Variants in PDE7A observed in about 807,000 individuals in gnomAD.
PDE7A encodes the protein phosphodiesterase 7A.
In PDE7A, 39 loss-of-function variants were observed where a neutral mutation model predicts 64.3. The observed-to-expected ratio is 0.61, with a 90% CI of 0.47 to 0.79. PDE7A has a LOEUF of 0.79. Ranked by LOEUF, PDE7A falls within the 30% of genes least tolerant of loss-of-function variation. The probability of loss-of-function intolerance (pLI) is 0.00; values close to 1 mark genes in which losing one functional copy is unlikely to be tolerated. For missense variants in PDE7A, 470 were observed against 582.8 expected (o/e 0.81, Z 1.99); for synonymous variants, 203 against 206.8 (o/e 0.98, Z 0.16).
At chr8:65,772,725 C>A (rs969024196) in intron 3 of PDE7A, among the ~76,000 whole-genome samples, 4 of 152,166 alleles carry the variant, frequency 2.6e-5, no homozygotes, top group Admixed American at 2.6e-4. Context: ...TTAAACTGGC[C>A]AGGTGCGGTG....
intron 3 of PDE7A, among the ~76,000 whole-genome samples, chr8:65,757,657 C>T (rs1015953066): frequency 9.2e-5 from 14 of 152,118 alleles, no homozygotes; most frequent in Non-Finnish European, 1.5e-4. Context: ...CTCGCTCTGT[C>T]GCCCAGGCTG....
intron 3 of PDE7A, among the ~76,000 whole-genome samples, chr8:65,776,584 A>G (rs1360088666): frequency 6.6e-6 from 1 of 152,184 alleles, no homozygotes; most frequent in African/African-American, 2.4e-5. Context: ...TTTTCTATGT[A>G]ATCACTTACA....
chr8:65,791,847 A>C (rs1165057258), intron 1 of PDE7A, among the ~76,000 whole-genome samples: 2 of 152,190 alleles, frequency 1.3e-5, no homozygotes, highest in Non-Finnish European at 2.9e-5. Flanking sequence ...TAGTAATCTC[A>C]ACTTTCTCAA....
In PDE7A at chr8:65,842,044, C is replaced by G. The variant is rs1373501518; in HGVS notation, c.-536G>C. 1 of 200,754 alleles carries G rather than the reference C, an allele frequency of 5.0e-6. No homozygotes were observed. Among genetic ancestry groups the G allele is most frequent in the Non-Finnish European group, 9.8e-6 (1 of 102,404 alleles). The allele number at this position is 200,754 out of a possible 1,614,324, so 12.4% of individuals were successfully genotyped here. Reference sequence around the variant, plus strand: ...GAGCCTGACTTCACTCCGCCGCCGGCGCGAGCCCGGCGTAATTCACACTTT... The same window carrying G: ...GAGCCTGACTTCACTCCGCCGCCGGGGCGAGCCCGGCGTAATTCACACTTT... On this transcript the variant is annotated 5_prime_UTR_variant, in exon 1 of 13. Transcript: ENST00000401827.
chr8:65,817,594 T>C (rs917335803), intron 1 of PDE7A, among the ~76,000 whole-genome samples: 4 of 152,166 alleles, frequency 2.6e-5, no homozygotes, highest in African/African-American at 9.7e-5. Context: ...TCCATGACCT[T>C]GACAGGTTTG....
At chr8:65,834,764 T>C (rs1298664778) in intron 1 of PDE7A, among the ~76,000 whole-genome samples, 1 of 152,206 alleles carries the variant, frequency 6.6e-6, no homozygotes, top group Non-Finnish European at 1.5e-5. Context: ...CATGGAGCAG[T>C]GTTCCAAAAT....
chr8:65,744,933 G>A (rs181117832), intron 5 of PDE7A, among the ~76,000 whole-genome samples: 483 of 152,272 alleles, frequency 3.2e-3, no homozygotes, highest in Non-Finnish European at 5.1e-3. Flanking sequence ...CCCTGATATG[G>A]TTTGGCTGTG....
At chr8:65,821,021 A>C (rs1810529161) in intron 1 of PDE7A, among the ~76,000 whole-genome samples, 1 of 152,162 alleles carries the variant, frequency 6.6e-6, no homozygotes, top group Non-Finnish European at 1.5e-5. Context: ...CAATATTCCA[A>C]ATCCAAGGTG....
intron 1 of PDE7A, among the ~76,000 whole-genome samples, chr8:65,795,009 G>C (rs1809801177): frequency 6.6e-6 from 1 of 152,210 alleles, no homozygotes; most frequent in Non-Finnish European, 1.5e-5. Context: ...GCCCCAGGCA[G>C]AAAGAGCAAT....
chr8:65,802,704 T>A (rs1810021080), intron 1 of PDE7A, among the ~76,000 whole-genome samples: 2 of 152,222 alleles, frequency 1.3e-5, no homozygotes, highest in Admixed American at 1.3e-4. Flanking sequence ...AATAAAGTCA[T>A]CAATTAAAAC....
intron 1 of PDE7A, among the ~76,000 whole-genome samples, chr8:65,802,852 G>T (rs990995504): frequency 1.3e-5 from 2 of 152,120 alleles, no homozygotes; most frequent in African/African-American, 4.8e-5. Flanking sequence ...CATGGGGGTG[G>T]ATCCCTGATG....
chr8:65,731,966 A>ATATTATTAT (rs137999443), intron 7 of PDE7A, among the ~76,000 whole-genome samples: 1 of 151,062 alleles, frequency 6.6e-6, no homozygotes, highest in African/African-American at 2.4e-5. Context: ...GTCATTCTCT[A>ATATTATTAT]TATTATTATT....
At chr8:65,815,679 TTAGAGA>T (rs1202650373) in intron 1 of PDE7A, among the ~76,000 whole-genome samples, 1 of 152,202 alleles carries the variant, frequency 6.6e-6, no homozygotes, top group Admixed American at 6.5e-5. Flanking sequence ...TCAAAGGGTC[TTAGAGA>T]TAGAATTATA....
intron 7 of PDE7A, among the ~76,000 whole-genome samples, chr8:65,730,122 A>G (rs907149749): frequency 2.0e-5 from 3 of 147,358 alleles, no homozygotes; most frequent in African/African-American, 7.5e-5. Flanking sequence ...TCATAGGAGC[A>G]CAAACCCTAT....
At chr8:65,780,027 T>C (rs1585911962) in intron 2 of PDE7A, among the ~76,000 whole-genome samples, 1 of 152,136 alleles carries the variant, frequency 6.6e-6, no homozygotes, top group Non-Finnish European at 1.5e-5. Flanking sequence ...TCTACCCCTA[T>C]AATAATTATT....
chr8:65,801,143 G>A (rs1389965555), intron 1 of PDE7A, among the ~76,000 whole-genome samples: 4 of 151,938 alleles, frequency 2.6e-5, no homozygotes, highest in South Asian at 2.1e-4. Flanking sequence ...CCCCAAAGGC[G>A]ACAAAAAATA....
At chr8:65,739,420 A>G (rs1373117760) in intron 6 of PDE7A, 82 bp downstream of exon 6, 2 of 1,404,804 alleles carry the variant, frequency 1.4e-6, no homozygotes, top group Non-Finnish European at 1.9e-6. Flanking sequence ...GCAATAGCTA[A>G]CCGATATAAC....
rs568715859 is a variant in PDE7A, at chr8:65,729,059, C to T, written c.697-1758G>A. ...TTCAATATTATAACAAAGACAAGGA[C>T]TTCAATAACTTAACTTTTTAAGGTG... On this transcript the variant is annotated intron_variant, in intron 7 of 12. Coordinates refer to ENST00000401827, the MANE Select transcript of PDE7A (RefSeq NM_001242318.3). Among the ~76,000 whole-genome samples, 14 of 152,116 alleles carry T rather than the reference C, an allele frequency of 9.2e-5. No homozygotes were observed. In the South Asian group the frequency reaches 2.9e-3, roughly 32 times the overall value.
chr8:65,768,923 T>C (rs1322120699), intron 3 of PDE7A, among the ~76,000 whole-genome samples: 1 of 152,102 alleles, frequency 6.6e-6, no homozygotes. Context: ...CTGAGGAAAT[T>C]TTTTTATTCT....
Sources: gnomAD v4.1 joint callset for allele counts (sites outside exome capture counted in the v4.1 genomes callset) on GRCh38, gnomAD v4.1.1 for gene constraint, MANE v1.5 for transcripts, NCBI Gene and HGNC (gene_info 2026-07-23, HGNC 2026-07-21) for gene names.